Variants in PHACTR1 observed in about 807,000 individuals in gnomAD.
PHACTR1 encodes RPEL repeat containing 1.
Under a neutral mutation model 69.2 loss-of-function variants are expected in PHACTR1, and 16 were observed. The ratio of observed to expected loss-of-function variants is 0.23; its 90% CI spans 0.16 to 0.35. The LOEUF (loss-of-function observed/expected upper bound fraction) is 0.35, where lower values mean the gene tolerates loss of function less well. Ranked by LOEUF, PHACTR1 falls within the 10% of genes least tolerant of loss-of-function variation. PHACTR1 has a pLI of 1.00. For missense variants in PHACTR1, 510 were observed against 734.7 expected (o/e 0.69, Z 3.54); for synonymous variants, 312 against 284.5 (o/e 1.10, Z -0.97).
At chr6:12,927,468 A>C (rs1366091699) in intron 4 of PHACTR1, among the ~76,000 whole-genome samples, 1 of 152,228 alleles carries the variant, frequency 6.6e-6, no homozygotes, top group Non-Finnish European at 1.5e-5. Context: ...AACAACTCTA[A>C]GTGCTTTGCA....
intron 5 of PHACTR1, among the ~76,000 whole-genome samples, chr6:13,146,810 A>G (rs549247555): frequency 6.6e-6 from 1 of 152,316 alleles, no homozygotes; most frequent in East Asian, 1.9e-4. Flanking sequence ...AACCCACTTC[A>G]CTAGCTCTGA....
chr6:12,799,269 G>A (rs898908465), intron 4 of PHACTR1, among the ~76,000 whole-genome samples: 8 of 152,104 alleles, frequency 5.3e-5, no homozygotes, highest in Admixed American at 2.0e-4. Flanking sequence ...TGGATACAAG[G>A]CGAGGTCATA....
At chr6:13,182,777 ATT>A in intron 7 of PHACTR1, 91 bp downstream of exon 7, 1 of 1,308,476 alleles carries the variant, frequency 7.6e-7, no homozygotes, top group Non-Finnish European at 1.0e-6. Context: ...TTGGAATTCT[ATT>A]TTGGACTATC....
At chr6:13,270,109 T>C (rs1777423903) in intron 10 of PHACTR1, among the ~76,000 whole-genome samples, 1 of 152,246 alleles carries the variant, frequency 6.6e-6, no homozygotes, top group African/African-American at 2.4e-5. Flanking sequence ...CCACTAGCTG[T>C]AAACTGGGGT....
At chr6:12,784,929 G>A (rs1005923140) in intron 4 of PHACTR1, among the ~76,000 whole-genome samples, 17 of 151,452 alleles carry the variant, frequency 1.1e-4, no homozygotes, top group Admixed American at 2.0e-4. Flanking sequence ...GGCTGGTCTC[G>A]AACTCCCAAC....
At chr6:13,237,674 C>T (rs1772207485) in intron 10 of PHACTR1, among the ~76,000 whole-genome samples, 1 of 152,194 alleles carries the variant, frequency 6.6e-6, no homozygotes, top group South Asian at 2.1e-4. Context: ...TCATACATTG[C>T]TTAACGATGG....
chr6:12,890,968 T>C (rs1784115194), intron 4 of PHACTR1, among the ~76,000 whole-genome samples: 1 of 152,222 alleles, frequency 6.6e-6, no homozygotes, highest in South Asian at 2.1e-4. Context: ...ATAATAATGC[T>C]TGGGACAAAG....
At chr6:12,808,014 G>A (rs978527016) in intron 4 of PHACTR1, among the ~76,000 whole-genome samples, 1 of 152,162 alleles carries the variant, frequency 6.6e-6, no homozygotes, top group Non-Finnish European at 1.5e-5. Context: ...TCTAGAGATT[G>A]AATTTTCCAC....
intron 10 of PHACTR1, among the ~76,000 whole-genome samples, chr6:13,250,646 G>A (rs1774255036): frequency 6.6e-6 from 1 of 152,224 alleles, no homozygotes; most frequent in Admixed American, 6.5e-5. Context: ...TGCAGGCTTA[G>A]CTTGAAAATA....
chr6:13,241,559 T>C (rs1772844035), intron 10 of PHACTR1, among the ~76,000 whole-genome samples: 1 of 152,198 alleles, frequency 6.6e-6, no homozygotes, highest in African/African-American at 2.4e-5. Context: ...CACCACTTAC[T>C]AGCTGGGCCC....
chr6:13,068,588 G>A (rs1583216021), intron 5 of PHACTR1, among the ~76,000 whole-genome samples: 2 of 152,152 alleles, frequency 1.3e-5, no homozygotes, highest in East Asian at 3.9e-4. Context: ...TCAGTGCTGA[G>A]TTTAGGAGCC....
At chr6:13,260,262 A>G (rs148015874) in intron 10 of PHACTR1, among the ~76,000 whole-genome samples, 1 of 152,320 alleles carries the variant, frequency 6.6e-6, no homozygotes, top group African/African-American at 2.4e-5. Context: ...GGGGAACTCC[A>G]TAGACAGAAC....
intron 5 of PHACTR1, among the ~76,000 whole-genome samples, chr6:13,132,073 A>T (rs944709446): frequency 9.2e-5 from 14 of 152,048 alleles, no homozygotes; most frequent in Non-Finnish European, 1.9e-4. Context: ...TAAACAATTG[A>T]CTCTCATCTC....
intron 4 of PHACTR1, among the ~76,000 whole-genome samples, chr6:12,835,785 T>A (rs1778092918): frequency 6.6e-6 from 1 of 152,128 alleles, no homozygotes; most frequent in Admixed American, 6.5e-5. Context: ...TCAGAAAAGT[T>A]AAGTAACATA....
intron 7 of PHACTR1, among the ~76,000 whole-genome samples, chr6:13,195,193 G>T (rs1048956364): frequency 1.3e-5 from 2 of 152,248 alleles, no homozygotes; most frequent in South Asian, 4.1e-4. Flanking sequence ...TGATTTAGTA[G>T]ATTAGTGATG....
intron 4 of PHACTR1, among the ~76,000 whole-genome samples, chr6:12,845,015 C>G (rs1356111651): frequency 6.6e-6 from 1 of 152,086 alleles, no homozygotes; most frequent in Non-Finnish European, 1.5e-5. Context: ...TCCCTTCTCC[C>G]CTGGTATAAG....
chr6:12,930,772 C>T (rs569140382), intron 4 of PHACTR1, among the ~76,000 whole-genome samples: 6 of 152,130 alleles, frequency 3.9e-5, no homozygotes, highest in South Asian at 2.1e-4. Flanking sequence ...ACAAATGAGC[C>T]GGGCACAGTG....
At chr6:13,131,990 C>A (rs1351597579) in intron 5 of PHACTR1, among the ~76,000 whole-genome samples, 1 of 152,120 alleles carries the variant, frequency 6.6e-6, no homozygotes, top group African/African-American at 2.4e-5. Flanking sequence ...TTCCAAGAAC[C>A]ACTGTAAGTA....
At chr6:13,145,274 TTATCA>T (rs1418712942) in intron 5 of PHACTR1, among the ~76,000 whole-genome samples, 2 of 152,244 alleles carry the variant, frequency 1.3e-5, no homozygotes, top group Non-Finnish European at 2.9e-5. Flanking sequence ...GGGTATTACC[TTATCA>T]TATATGTATA....
Sources: gnomAD v4.1 joint callset for allele counts (sites outside exome capture counted in the v4.1 genomes callset) on GRCh38, gnomAD v4.1.1 for gene constraint, MANE v1.5 for transcripts, NCBI Gene and HGNC (gene_info 2026-07-23, HGNC 2026-07-21) for gene names.